Variants in LRRC4C observed in about 807,000 individuals in gnomAD.
LRRC4C encodes the protein leucine rich repeat containing 4C, also known as leucine-rich repeat-containing protein 4C.
A neutral mutation model predicts 33.6 loss-of-function variants in LRRC4C; 5 were observed. That is an observed-to-expected ratio of 0.15 (90% confidence interval 0.08 to 0.31). LRRC4C has a LOEUF of 0.31. Among genes scored for constraint, LRRC4C ranks in the 10% least tolerant of loss-of-function variants. The pLI, the probability that LRRC4C is intolerant of heterozygous loss-of-function variation, is 1.00. For synonymous variants in LRRC4C, 329 were observed against 302.0 expected (o/e 1.09, Z -0.93); for missense variants, 560 against 796.7 (o/e 0.70, Z 3.58).
chr11:40,282,663 A>T (rs1013781743), intron 4 of LRRC4C, among the ~76,000 whole-genome samples: 1 of 152,210 alleles, frequency 6.6e-6, no homozygotes, highest in Non-Finnish European at 1.5e-5. Flanking sequence ...CCAGTTCAAC[A>T]TATTTAAGAC....
intron 3 of LRRC4C, among the ~76,000 whole-genome samples, chr11:40,451,942 C>T (rs935786197): frequency 5.3e-5 from 8 of 152,098 alleles, no homozygotes; most frequent in African/African-American, 1.9e-4. Context: ...ACAGTGGGTG[C>T]AGGACAGTGG....
At chr11:41,267,869 T>G (rs989978615) in intron 1 of LRRC4C, among the ~76,000 whole-genome samples, 1 of 152,080 alleles carries the variant, frequency 6.6e-6, no homozygotes, top group Admixed American at 6.6e-5. Flanking sequence ...GTAAATAATT[T>G]TAGCTTTTTT....
intron 3 of LRRC4C, among the ~76,000 whole-genome samples, chr11:40,403,290 G>A (rs2137563580): frequency 6.6e-6 from 1 of 152,128 alleles, no homozygotes; most frequent in Admixed American, 6.6e-5. Flanking sequence ...AATTATGCAG[G>A]ATTAAAACAC....
At chr11:40,478,171 A>T (rs1953344404) in intron 3 of LRRC4C, among the ~76,000 whole-genome samples, 1 of 152,166 alleles carries the variant, frequency 6.6e-6, no homozygotes. Flanking sequence ...ATGAAAATGG[A>T]CTAATACACT....
At chr11:40,920,412 C>T (rs1957122748) in intron 2 of LRRC4C, among the ~76,000 whole-genome samples, 1 of 152,126 alleles carries the variant, frequency 6.6e-6, no homozygotes, top group African/African-American at 2.4e-5. Context: ...TTATAACTAT[C>T]TATAAGCCCA....
chr11:40,885,483 T>C (rs1355333783), intron 2 of LRRC4C, among the ~76,000 whole-genome samples: 1 of 152,014 alleles, frequency 6.6e-6, no homozygotes, highest in Non-Finnish European at 1.5e-5. Flanking sequence ...TGTTGAGACA[T>C]GTTTAAAAGA....
chr11:40,382,229 G>A (rs1015315682), intron 3 of LRRC4C, among the ~76,000 whole-genome samples: 5 of 143,202 alleles, frequency 3.5e-5, no homozygotes, highest in East Asian at 2.1e-4. Context: ...TGATACACCC[G>A]CCTGGGCCTC....
At chr11:40,283,693 C>CTTTTTTT (rs5791366) in intron 4 of LRRC4C, among the ~76,000 whole-genome samples, 1 of 59,262 alleles carries the variant, frequency 1.7e-5, no homozygotes, top group Non-Finnish European at 2.8e-5. Flanking sequence ...GGTCCATATT[C>CTTTTTTT]TTTTTTTTTT....
intron 3 of LRRC4C, among the ~76,000 whole-genome samples, chr11:40,609,621 GT>G (rs1438326793): frequency 6.6e-6 from 1 of 151,966 alleles, no homozygotes; most frequent in East Asian, 1.9e-4. Context: ...ATATGACTTA[GT>G]TTTTTGAAAA....
chr11:40,281,275 G>A (rs1264853349), intron 4 of LRRC4C, among the ~76,000 whole-genome samples: 2 of 152,080 alleles, frequency 1.3e-5, no homozygotes, highest in African/African-American at 4.8e-5. Context: ...GTAAAAATCG[G>A]AGTCCTCTAG....
intron 3 of LRRC4C, among the ~76,000 whole-genome samples, chr11:40,532,584 G>T (rs1199689471): frequency 6.6e-6 from 1 of 151,720 alleles, no homozygotes. Context: ...AGAGACACAG[G>T]GATATCTAGT....
At chr11:40,416,497 T>C (rs1237337931) in intron 3 of LRRC4C, among the ~76,000 whole-genome samples, 1 of 152,160 alleles carries the variant, frequency 6.6e-6, no homozygotes, top group Non-Finnish European at 1.5e-5. Context: ...AAGCAGATAC[T>C]GATTACACAG....
At chr11:40,420,066 C>A (rs141129860) in intron 3 of LRRC4C, among the ~76,000 whole-genome samples, 15 of 152,242 alleles carry the variant, frequency 9.9e-5, no homozygotes, top group African/African-American at 3.4e-4. Context: ...GGCATTCTAG[C>A]AAATATTATG....
chr11:41,389,094 C>G (rs771852534), intron 1 of LRRC4C, among the ~76,000 whole-genome samples: 24 of 151,784 alleles, frequency 1.6e-4, no homozygotes, highest in African/African-American at 5.1e-4. Flanking sequence ...CTACCATTAG[C>G]TGAGATGAGA....
intron 1 of LRRC4C, among the ~76,000 whole-genome samples, chr11:41,367,614 G>A (rs1050924765): frequency 2.0e-5 from 3 of 152,178 alleles, no homozygotes; most frequent in Non-Finnish European, 4.4e-5. Context: ...GTGGTCAAAT[G>A]TATATGTATG....
At chr11:41,200,723 C>A (rs961821189) in intron 1 of LRRC4C, among the ~76,000 whole-genome samples, 9 of 152,154 alleles carry the variant, frequency 5.9e-5, no homozygotes, top group Non-Finnish European at 1.2e-4. Flanking sequence ...TCTCTGTGGC[C>A]AAAATATGGC....
At chr11:41,154,399 A>T (rs1944134346) in intron 1 of LRRC4C, among the ~76,000 whole-genome samples, 1 of 152,114 alleles carries the variant, frequency 6.6e-6, no homozygotes. Context: ...TCATTATATA[A>T]TAATTGGTAT....
chr11:40,148,697 T>A (rs946882639), intron 5 of LRRC4C, among the ~76,000 whole-genome samples: 14 of 152,200 alleles, frequency 9.2e-5, no homozygotes, highest in African/African-American at 3.4e-4. Flanking sequence ...TAGATCCTAT[T>A]TGTCAATCTT....
At position 40,992,414 on chromosome 11, in the gene LRRC4C, CA is replaced by C. The variant is rs1565280138; in HGVS notation, c.-495-58692del. On this transcript the variant is annotated intron_variant, in intron 1 of 6. Transcript: ENST00000528697. ...TTCATTTTATTGACTGATATAAAAA[CA>C]AAAGCATAAACAAAAGTGGTTTTTT... Among the ~76,000 whole-genome samples the C allele has an allele frequency of 2.0e-5, 3 of 147,004 alleles. No individual in the cohort carries two copies. The South Asian group carries it at 6.6e-4, about 32-fold the overall frequency.
Sources: allele counts gnomAD v4.1 joint callset (sites outside exome capture counted in the v4.1 genomes callset), GRCh38; gene constraint gnomAD v4.1.1; transcripts MANE v1.5; gene names NCBI Gene and HGNC (gene_info 2026-07-23, HGNC 2026-07-21).